COL21A1: variants seen among roughly 807,000 people sequenced by gnomAD.
COL21A1 encodes collagen type XXI alpha 1 chain, also known as collagen alpha-1(XXI) chain.
COL21A1 carries 149 observed loss-of-function variants against 137.9 expected under a neutral mutation model. The ratio of observed to expected loss-of-function variants is 1.08; its 90% CI spans 0.95 to 1.24. COL21A1 has a LOEUF of 1.24. Among genes scored for constraint, COL21A1 ranks in the 50% most tolerant of loss-of-function variants. The probability of loss-of-function intolerance (pLI) is 0.00; values close to 1 mark genes in which losing one functional copy is unlikely to be tolerated. For missense variants in COL21A1, 1,167 were observed against 1,158.4 expected (o/e 1.01, Z -0.11); for synonymous variants, 456 against 391.5 (o/e 1.16, Z -1.95).
chr6:56,260,891 T>TGTGTGTATGC (rs1582739777), intron 1 of COL21A1, among the ~76,000 whole-genome samples: 2 of 150,668 alleles, frequency 1.3e-5, no homozygotes, highest in Admixed American at 6.6e-5. Context: ...TGTGTGTGTG[T>TGTGTGTATGC]GTACCTTTTA....
intron 1 of COL21A1, among the ~76,000 whole-genome samples, chr6:56,393,586 C>A (rs150201033): frequency 6.6e-6 from 1 of 152,170 alleles, no homozygotes; most frequent in Non-Finnish European, 1.5e-5. Flanking sequence ...TGTTAGCATG[C>A]GTCTCCCACT....
chr6:56,130,989 T>C (rs1006280396), intron 12 of COL21A1, among the ~76,000 whole-genome samples: 2 of 152,222 alleles, frequency 1.3e-5, no homozygotes, highest in East Asian at 3.9e-4. Flanking sequence ...AAATGGCTCC[T>C]GTGTTGGCCT....
intron 1 of COL21A1, among the ~76,000 whole-genome samples, chr6:56,232,726 A>G (rs146736251): frequency 9.4e-4 from 143 of 152,060 alleles, no homozygotes; most frequent in African/African-American, 3.3e-3. Context: ...TTACTACATC[A>G]TCCAAATGCT....
At chr6:56,271,678 C>T (rs570688983) in intron 1 of COL21A1, among the ~76,000 whole-genome samples, 27 of 152,336 alleles carry the variant, frequency 1.8e-4, no homozygotes, top group Admixed American at 1.8e-3. Flanking sequence ...CCCCTCCAAA[C>T]ACAAGCCCAA....
intron 1 of COL21A1, among the ~76,000 whole-genome samples, chr6:56,385,992 C>T (rs957162783): frequency 4.6e-5 from 7 of 152,006 alleles, no homozygotes; most frequent in Admixed American, 6.6e-5. Context: ...CTCCACCTCC[C>T]GGGTTCAAGC....
intron 24 of COL21A1, among the ~76,000 whole-genome samples, chr6:56,062,981 CAT>C (rs1172838141): frequency 2.0e-5 from 3 of 152,112 alleles, no homozygotes; most frequent in Non-Finnish European, 2.9e-5. Flanking sequence ...AAAAAATACA[CAT>C]GTGTTGTGCT....
At chr6:56,374,339 T>C (rs753797596) in intron 1 of COL21A1, among the ~76,000 whole-genome samples, 1 of 152,140 alleles carries the variant, frequency 6.6e-6, no homozygotes, top group Non-Finnish European at 1.5e-5. Context: ...AATGCCAAGC[T>C]GCAAATAATT....
intron 1 of COL21A1, among the ~76,000 whole-genome samples, chr6:56,345,435 T>C (rs974130853): frequency 6.6e-6 from 1 of 152,212 alleles, no homozygotes; most frequent in Non-Finnish European, 1.5e-5. Flanking sequence ...TTATCTCCTT[T>C]TTATAGATGA....
intron 12 of COL21A1, among the ~76,000 whole-genome samples, chr6:56,137,786 G>C (rs1007796367): frequency 3.9e-5 from 6 of 152,252 alleles, no homozygotes; most frequent in Admixed American, 3.9e-4. Context: ...AATAAGGCAA[G>C]ACATGGAATT....
chr6:56,136,257 C>T (rs1773993226), intron 12 of COL21A1, among the ~76,000 whole-genome samples: 1 of 152,126 alleles, frequency 6.6e-6, no homozygotes, highest in Non-Finnish European at 1.5e-5. Context: ...GAGCAATAAA[C>T]CTTTGATTTA....
chr6:56,229,675 T>C (rs921722738), intron 1 of COL21A1, among the ~76,000 whole-genome samples: 20 of 152,052 alleles, frequency 1.3e-4, no homozygotes, highest in African/African-American at 4.8e-4. Context: ...GTATGGTCAT[T>C]TTCCAAGGTA....
At chr6:56,213,006 G>C (rs779635410) in intron 1 of COL21A1, among the ~76,000 whole-genome samples, 3 of 151,982 alleles carry the variant, frequency 2.0e-5, no homozygotes, top group Non-Finnish European at 2.9e-5. Flanking sequence ...TTAAGCAAGA[G>C]AGAAAGAAAA....
chr6:56,220,428 C>T (rs1055682154), intron 1 of COL21A1, among the ~76,000 whole-genome samples: 4 of 152,152 alleles, frequency 2.6e-5, no homozygotes, highest in Non-Finnish European at 5.9e-5. Context: ...TTTAAAATTG[C>T]TGAACAATAT....
chr6:56,117,427 A>T (rs1401761614), intron 16 of COL21A1, among the ~76,000 whole-genome samples: 6 of 151,976 alleles, frequency 3.9e-5, no homozygotes, highest in Admixed American at 1.3e-4. Context: ...AAGCATCCAG[A>T]TATAGCAAGG....
At chr6:56,246,501 C>A (rs1403761827) in intron 1 of COL21A1, among the ~76,000 whole-genome samples, 2 of 151,556 alleles carry the variant, frequency 1.3e-5, no homozygotes, top group Non-Finnish European at 2.9e-5. Context: ...CAAAACTCTA[C>A]TAATAAATAA....
At chr6:56,308,048 T>C (rs993651119) in intron 1 of COL21A1, among the ~76,000 whole-genome samples, 1 of 152,344 alleles carries the variant, frequency 6.6e-6, no homozygotes, top group South Asian at 2.1e-4. Flanking sequence ...ATGCATGCTA[T>C]GGTGTGAATG....
chr6:56,113,975 T>G (rs1388552496), intron 16 of COL21A1, among the ~76,000 whole-genome samples: 1 of 152,202 alleles, frequency 6.6e-6, no homozygotes, highest in Non-Finnish European at 1.5e-5. Flanking sequence ...GAGGCTCCTC[T>G]GCCTTTGAAA....
intron 1 of COL21A1, among the ~76,000 whole-genome samples, chr6:56,195,563 T>C (rs1778966344): frequency 6.6e-6 from 1 of 152,064 alleles, no homozygotes; most frequent in Admixed American, 6.6e-5. Flanking sequence ...AGAGGAGCCA[T>C]TATAAATGAT....
At chr6:56,154,634 G>T (rs930691901) in intron 10 of COL21A1, among the ~76,000 whole-genome samples, 1 of 152,074 alleles carries the variant, frequency 6.6e-6, no homozygotes, top group Admixed American at 6.5e-5. Context: ...ACAACCTCCT[G>T]CATAGTCTCC....
Sources: allele counts gnomAD v4.1 joint callset (sites outside exome capture counted in the v4.1 genomes callset), GRCh38; gene constraint gnomAD v4.1.1; transcripts MANE v1.5; gene names NCBI Gene and HGNC (gene_info 2026-07-23, HGNC 2026-07-21).